Variants in ARHGAP31 observed in about 807,000 individuals in gnomAD.
ARHGAP31 encodes the protein rho GTPase-activating protein 31.
ARHGAP31 carries 34 observed loss-of-function variants against 113.9 expected under a neutral mutation model. The observed-to-expected ratio is 0.30, with a 90% CI of 0.23 to 0.40. The LOEUF (loss-of-function observed/expected upper bound fraction) is 0.40, where lower values mean the gene tolerates loss of function less well. ARHGAP31 is among the 10% of genes least tolerant of loss of function. The pLI is 1.00. For missense variants in ARHGAP31, 1,548 were observed against 1,767.1 expected, an observed-to-expected ratio of 0.88 and a Z score of 2.22; for synonymous variants, 650 against 684.8, an observed-to-expected ratio of 0.95 and a Z score of 0.79.
intron 1 of ARHGAP31, among the ~76,000 whole-genome samples, chr3:119,347,192 C>T (rs1175681177): frequency 6.6e-6 from 1 of 152,184 alleles, no homozygotes; most frequent in Non-Finnish European, 1.5e-5. Flanking sequence ...TGGGCCCAGC[C>T]TTTTCTTCCA....
intron 1 of ARHGAP31, among the ~76,000 whole-genome samples, chr3:119,322,121 T>G (rs573190466): frequency 6.6e-6 from 1 of 152,316 alleles, no homozygotes; most frequent in East Asian, 1.9e-4. Context: ...GAAGTAAAAT[T>G]GCTGGATTAA....
intron 1 of ARHGAP31, among the ~76,000 whole-genome samples, chr3:119,306,245 T>C (rs751823281): frequency 1.3e-5 from 2 of 152,150 alleles, no homozygotes; most frequent in Admixed American, 6.5e-5. Flanking sequence ...TGAGACAAAA[T>C]GGACATCTAG....
At chr3:119,334,899 ACT>A (rs1339402163) in intron 1 of ARHGAP31, among the ~76,000 whole-genome samples, 1 of 152,128 alleles carries the variant, frequency 6.6e-6, no homozygotes, top group Non-Finnish European at 1.5e-5. Flanking sequence ...CCCTAGTCTG[ACT>A]CTAAAGCCTT....
At chr3:119,385,128 A>G (rs763260196) in intron 6 of ARHGAP31, among the ~76,000 whole-genome samples, 1 of 151,726 alleles carries the variant, frequency 6.6e-6, no homozygotes, top group Non-Finnish European at 1.5e-5. Flanking sequence ...GGATTTCACC[A>G]TGTTGTCCAG....
At chr3:119,400,160 G>A (rs2080588046) in intron 9 of ARHGAP31, among the ~76,000 whole-genome samples, 1 of 152,192 alleles carries the variant, frequency 6.6e-6, no homozygotes, top group Non-Finnish European at 1.5e-5. Context: ...GGCCGGGTGT[G>A]GTGGCTCATG....
chr3:119,337,811 A>G (rs2079972250), intron 1 of ARHGAP31, among the ~76,000 whole-genome samples: 1 of 152,128 alleles, frequency 6.6e-6, no homozygotes, highest in Non-Finnish European at 1.5e-5. Context: ...TGGTGTGTTT[A>G]CAAACCTTTA....
At chr3:119,348,378 C>T (rs115208532) in intron 1 of ARHGAP31, among the ~76,000 whole-genome samples, 2,882 of 152,248 alleles carry the variant, frequency 0.019, 84 homozygotes, top group African/African-American at 0.064. Flanking sequence ...AACCGGTCCC[C>T]GGTGCCAAAA....
chr3:119,373,548 C>T (rs951280600), intron 3 of ARHGAP31, among the ~76,000 whole-genome samples: 1 of 151,980 alleles, frequency 6.6e-6, no homozygotes, highest in East Asian at 1.9e-4. Context: ...ACTGCAGCCT[C>T]CCCCACCCGG....
chr3:119,309,731 G>C (rs75345900), intron 1 of ARHGAP31, among the ~76,000 whole-genome samples: 2,337 of 152,054 alleles, frequency 0.015, 59 homozygotes, highest in African/African-American at 0.052. Flanking sequence ...CTGCATTCCA[G>C]CCTGAGACAG....
chr3:119,382,862 GTA>G (rs2080413954), intron 5 of ARHGAP31, among the ~76,000 whole-genome samples: 1 of 152,218 alleles, frequency 6.6e-6, no homozygotes, highest in African/African-American at 2.4e-5. Context: ...AGTGTTTATA[GTA>G]TTGCAATGTA....
chr3:119,301,644 G>GT (rs11347020), intron 1 of ARHGAP31, among the ~76,000 whole-genome samples: 2,203 of 151,452 alleles, frequency 0.015, 28 homozygotes, highest in Middle Eastern at 0.037. Flanking sequence ...GATGGGGACT[G>GT]TTTTTTTTTA....
chr3:119,377,222 G>A (rs2107628701), intron 3 of ARHGAP31, among the ~76,000 whole-genome samples: 1 of 150,700 alleles, frequency 6.6e-6, no homozygotes, highest in Admixed American at 6.6e-5. Flanking sequence ...GAAAATCTCT[G>A]TGCTTGTGAA....
At chr3:119,413,757 C>T in intron 11 of ARHGAP31, 99 bp from the exon 12 acceptor site, 1 of 1,551,794 alleles carries the variant, frequency 6.4e-7, no homozygotes, top group Non-Finnish European at 8.9e-7. Context: ...TGAACTGGCA[C>T]AGGCTGGTGC....
intron 1 of ARHGAP31, among the ~76,000 whole-genome samples, chr3:119,320,877 G>A (rs910549602): frequency 1.3e-5 from 2 of 152,120 alleles, no homozygotes; most frequent in African/African-American, 4.8e-5. Context: ...ATTGAATCAT[G>A]GGGCCAGGCC....
Position 119,415,504 on chromosome 3 carries a change from T to C in ARHGAP31, c.3575T>C (p.Val1192Ala). ...SVSAVRTSFM[V>A]KMCQARAVPV... ...TCAGCTGTGAGAACCTCCTTCATGG[T>C]CAAAATGTGCCAGGCCAGGGCGGTC... The change falls in exon 12 of 12, where the codon GTC becomes GCC. Residue 1192 changes from valine (V) to alanine (A), a missense_variant. By Grantham distance (64) the Val-to-Ala change is moderately conservative (BLOSUM62 0). Transcript: ENST00000264245. 6.2e-7 allele frequency: 1 copy of C among 1,613,920 alleles called. No individual in the cohort carries two copies. The highest frequency in any genetic ancestry group is 8.5e-7 in the Non-Finnish European group (1 of 1,179,988).
chr3:119,353,526 T>C (rs1318842246), intron 1 of ARHGAP31, among the ~76,000 whole-genome samples: 2 of 152,198 alleles, frequency 1.3e-5, no homozygotes, highest in Non-Finnish European at 2.9e-5. Context: ...ATAGCTAGGC[T>C]GGGCACGGTG....
At chr3:119,376,181 C>T (rs1384786452) in intron 3 of ARHGAP31, among the ~76,000 whole-genome samples, 1 of 152,192 alleles carries the variant, frequency 6.6e-6, no homozygotes, top group Non-Finnish European at 1.5e-5. Flanking sequence ...TGTTGACTAG[C>T]AACTATCATT....
chr3:119,313,986 T>C (rs2079706727), intron 1 of ARHGAP31, among the ~76,000 whole-genome samples: 1 of 152,242 alleles, frequency 6.6e-6, no homozygotes, highest in African/African-American at 2.4e-5. Context: ...GGCTTTCCAG[T>C]GCCTGCAAGA....
chr3:119,391,039 G>A (rs983575947), intron 7 of ARHGAP31, 56 bp downstream of exon 7: 2 of 1,583,014 alleles, frequency 1.3e-6, no homozygotes, highest in Non-Finnish European at 1.7e-6. Flanking sequence ...GAGGAAAGAG[G>A]AGGAGAGGTA....
Sources: gnomAD v4.1 joint callset for allele counts (sites outside exome capture counted in the v4.1 genomes callset) on GRCh38, gnomAD v4.1.1 for gene constraint, MANE v1.5 for transcripts, NCBI Gene and HGNC (gene_info 2026-07-23, HGNC 2026-07-21) for gene names.